WDR90: variants seen among roughly 807,000 people sequenced by gnomAD.
WDR90 encodes WD repeat-containing protein 90.
In WDR90, 238 loss-of-function variants were observed where a neutral mutation model predicts 195.2. The observed-to-expected ratio is 1.22, with a 90% CI of 1.10 to 1.36. WDR90 has a LOEUF of 1.36. Among genes scored for constraint, WDR90 ranks in the 40% most tolerant of loss-of-function variants. The pLI is 0.00. For missense variants in WDR90, 2,734 were observed against 2,439.5 expected, an observed-to-expected ratio of 1.12 and a Z score of -2.54; for synonymous variants, 1,265 against 1,052.4, an observed-to-expected ratio of 1.20 and a Z score of -3.91.
In WDR90 at chr16:653,392, A is replaced by T; in HGVS notation, c.1174A>T (p.Ile392Phe). 6.2e-7 allele frequency: 1 copy of T among 1,605,602 alleles called. No homozygotes were observed. The highest frequency in any genetic ancestry group is 8.5e-7 in the Non-Finnish European group (1 of 1,177,082). Residue 392 changes from isoleucine to phenylalanine, a missense_variant, in exon 11 of 41, where the codon ATC becomes TTC. By Grantham distance (21) the Ile-to-Phe change is conservative (BLOSUM62 0). Transcript: ENST00000293879. ...AAVVYPCHAV[I>F]VVLLVDTGEQ... ...TGTCGTGTACCCCTGCCATGCGGTC[A>T]TCGTCGTCCTGCTCGTGGACACGGG...
At chr16:658,144 CA>C in intron 21 of WDR90, 38 bp from the exon 22 acceptor site, 1 of 1,587,354 alleles carries the variant, frequency 6.3e-7, no homozygotes, top group Non-Finnish European at 8.6e-7. Flanking sequence ...CGGCTCTGCC[CA>C]GGGGCCCTGA....
At chr16:656,260 C>G in intron 17 of WDR90, 42 bp from the exon 18 acceptor site, 2 of 1,566,364 alleles carry the variant, frequency 1.3e-6, no homozygotes, top group Non-Finnish European at 1.7e-6. Flanking sequence ...GCGGCTCACC[C>G]CGGGGTGGCC....
Position 658,632 on chromosome 16 carries a change from ACAGGCCAGCCCAGGCCCC to A in WDR90, c.2879_2895+1del. On this transcript the variant is annotated inframe_deletion, in exon 23 of 41. Coordinates refer to ENST00000293879, the MANE Select transcript of WDR90 (RefSeq NM_145294.5). ...CCATCAAGGTGTGGGACTACGCCAC[ACAGGCCAGCCCAGGCCCC>A]CAGGTGTGTGCGTGGGGAGGCAGGT... 6.2e-7 allele frequency: 1 copy of A among 1,612,274 alleles called. No homozygotes were observed. Among genetic ancestry groups the A allele is most frequent in the Admixed American group, 1.7e-5 (1 of 59,990 alleles).
Position 660,745 on chromosome 16 carries a change from G to A in WDR90, c.3391+31G>A, listed in dbSNP as rs1453685788. 5.2e-6 allele frequency: 8 copies of A among 1,529,064 alleles called. No homozygotes were observed. In the South Asian group the frequency reaches 9.6e-5, roughly 18 times the overall value. The allele number at this position is 1,529,064 out of a possible 1,614,324, so 94.7% of individuals were successfully genotyped here. A position where few individuals can be genotyped will look rare whatever the true frequency, so the allele number is the denominator to read the frequency against. On this transcript the variant is annotated intron_variant, in intron 28 of 40. Transcript: ENST00000293879. ...GGCCAAGAGCCTACCCCCACCCCCA[G>A]CCAAGATGCGGCCGCGCGTGGTCCA...
At position 651,650 on chromosome 16, in the gene WDR90, T is replaced by C; in HGVS notation, c.743T>C (p.Leu248Pro). Residue 248 changes from leucine to proline, a missense_variant, in exon 8 of 41, where the codon CTG becomes CCG. Transcript: ENST00000293879. Reference sequence around the variant, plus strand: ...GTTCTTTGCTCTGTTCTAGTCCTCCTGGGGCCGGGGCCACAGCCTCTCCCT... The same window carrying C: ...GTTCTTTGCTCTGTTCTAGTCCTCCCGGGGCCGGGGCCACAGCCTCTCCCT... ...KSCSPPEAVL[L>P]GPGPQPLPCP... is the part of the protein sequence containing the mutation. The C allele has an allele frequency of 7.4e-6, 12 of 1,612,506 alleles. No individual in the cohort carries two copies. The highest frequency in any genetic ancestry group is 9.3e-6 in the Non-Finnish European group (11 of 1,179,938).
In WDR90 at chr16:651,226, T is replaced by C; in HGVS notation, c.696T>C (p.Pro232=). The part of the protein sequence containing the change: ...VRFPSESLKV[P]SKPIEKSCSP... ...TTCCAAGTGAGAGCTTGAAAGTGCC[T>C]TCCAAGCCGATTGAGAAGAGCTGTT... Residue 232 remains proline (P), a synonymous_variant, in exon 7 of 41, where the codon CCT becomes CCC. Transcript: ENST00000293879. The C allele has an allele frequency of 1.2e-6, 2 of 1,613,110 alleles. No individual in the cohort carries two copies. The highest frequency in any genetic ancestry group is 1.3e-5 in the African/African-American group (1 of 75,032).
At chr16:655,984 CCCTGGCT>C in intron 17 of WDR90, 95 bp downstream of exon 17, 1 of 1,395,984 alleles carries the variant, frequency 7.2e-7, no homozygotes, top group Non-Finnish European at 9.7e-7. Flanking sequence ...CTGTCAGCCG[CCCTGGCT>C]CCTGGCTGCA....
chr16:652,610 G>A, intron 10 of WDR90, 75 bp downstream of exon 10: 1 of 1,455,804 alleles, frequency 6.9e-7, no homozygotes, highest in Non-Finnish European at 9.2e-7. Flanking sequence ...CGGGGAGAGA[G>A]GAGAGACCTA....
Position 658,328 on chromosome 16 carries a change from G to T in WDR90, c.2750G>T (p.Gly917Val), listed in dbSNP as rs755660212. The change falls in exon 22 of 41, where the codon GGC (glycine) becomes GTC (valine). Residue 917 changes from glycine to valine, a missense_variant. Transcript: ENST00000293879. ...GTCGTGGTGCTGGATGCTGTGTCGG[G>T]CCGCATCATCCGGGAGGTGAGCCTC... ...NRVVVLDAVSGRIIRELPGVH... is the reference protein window; with the variant it reads ...NRVVVLDAVSVRIIRELPGVH... 1.2e-6 allele frequency: 2 copies of T among 1,612,346 alleles called. No individual in the cohort carries two copies. The highest frequency in any genetic ancestry group is 1.7e-5 in the Admixed American group (1 of 59,996).
At chr16:664,239 C>T (rs932001531) in intron 34 of WDR90, among the ~76,000 whole-genome samples, 4 of 152,156 alleles carry the variant, frequency 2.6e-5, no homozygotes, top group African/African-American at 7.2e-5. Context: ...CCCTGCTTCC[C>T]GCCTCCCCAG....
At position 659,257 on chromosome 16, in the gene WDR90, G is replaced by T. The variant is rs923047794; in HGVS notation, c.3065G>T (p.Gly1022Val). Residue 1022 changes from glycine to valine, a missense_variant, in exon 26 of 41, where the codon GGA (glycine) becomes GTA (valine). Transcript: ENST00000293879. ...GCTTCTTCCCCAGGCCCGGGCGCAG[G>T]ACCGCTGGAGGACGCAGCGTCCAGG... ...PPACKTGPGA[G>V]PLEDAASRAS... 1.9e-6 allele frequency: 3 copies of T among 1,611,430 alleles called. No individual in the cohort carries two copies. Among genetic ancestry groups the T allele is most frequent in the Non-Finnish European group, 2.5e-6 (3 of 1,179,466 alleles).
intron 21 of WDR90, 133 bp from the exon 22 acceptor site, chr16:658,050 A>C: frequency 6.9e-7 from 1 of 1,455,846 alleles, no homozygotes; most frequent in African/African-American, 1.4e-5. Context: ...ACGTGCGGCC[A>C]GGTTCCTGTG....
At chr16:658,077 T>G (rs2037799569) in intron 21 of WDR90, 106 bp from the exon 22 acceptor site, 1 of 1,488,374 alleles carries the variant, frequency 6.7e-7, no homozygotes, top group African/African-American at 1.4e-5. Context: ...AGGTGCTGCC[T>G]GGGTGCCGAG....
In WDR90 at chr16:660,123, A is replaced by C. The variant is rs1352369563; in HGVS notation, c.3250A>C (p.Thr1084Pro). 1 of 1,542,400 alleles carries C rather than the reference A, an allele frequency of 6.5e-7. No homozygotes were observed. Among genetic ancestry groups the C allele is most frequent in the Middle Eastern group, 1.7e-4 (1 of 5,930 alleles). Residue 1084 changes from threonine (T) to proline (P), a missense_variant, in exon 27 of 41, where the codon ACG (threonine) becomes CCG (proline). Coordinates refer to ENST00000293879, the MANE Select transcript of WDR90 (RefSeq NM_145294.5). Reference sequence around the variant, plus strand: ...CTACCTGGCTTCCTGCAAGGCCTTCACGCCTGCCAGGGTCAGCTGCAGCCC... The same window carrying C: ...CTACCTGGCTTCCTGCAAGGCCTTCCCGCCTGCCAGGGTCAGCTGCAGCCC... Reference protein sequence around the residue: ...TTYLASCKAFTPARVSCSPHS... With the variant: ...TTYLASCKAFPPARVSCSPHS...
intron 12 of WDR90, 25 bp from the exon 13 acceptor site, chr16:653,721 A>G (rs9936879): frequency 5.0e-6 from 8 of 1,613,036 alleles, no homozygotes; most frequent in South Asian, 1.1e-5. Context: ...CCAGGCGACA[A>G]TGACCACCTC....
chr16:656,157 G>A (rs1270458955), intron 17 of WDR90, 145 bp from the exon 18 acceptor site: 7 of 841,448 alleles, frequency 8.3e-6, no homozygotes, highest in Admixed American at 4.8e-5. Flanking sequence ...TGGTGGCCTC[G>A]AGGGAGCTGC....
At chr16:660,212 C>A (rs2037866609) in intron 27 of WDR90, 51 bp downstream of exon 27, 1 of 1,429,602 alleles carries the variant, frequency 7.0e-7, no homozygotes, top group African/African-American at 1.4e-5. Context: ...GCACAGAGGC[C>A]CCCCGCAGGG....
chr16:665,893 G>C, intron 35 of WDR90, 57 bp from the exon 36 acceptor site: 1 of 1,558,954 alleles, frequency 6.4e-7, no homozygotes. Flanking sequence ...CTCTGGCCTG[G>C]GTGTGTGTCC....
intron 34 of WDR90, among the ~76,000 whole-genome samples, chr16:664,012 C>T (rs1276591069): frequency 1.3e-5 from 2 of 152,120 alleles, no homozygotes; most frequent in African/African-American, 2.4e-5. Flanking sequence ...CTTTAGAAAC[C>T]TGTCTTTAGT....
Sources: allele counts gnomAD v4.1 joint callset (sites outside exome capture counted in the v4.1 genomes callset), GRCh38; gene constraint gnomAD v4.1.1; transcripts MANE v1.5; gene names NCBI Gene and HGNC (gene_info 2026-07-23, HGNC 2026-07-21).